The following EYS variants were observed in gnomAD, a reference collection of about 807,000 sequenced individuals.
EYS encodes EGF-like photoreceptor maintenance factor, also known as protein eyes shut homolog.
In EYS, 250 loss-of-function variants were observed where a neutral mutation model predicts 282.1. The ratio of observed to expected loss-of-function variants is 0.89; its 90% CI spans 0.80 to 0.98. The LOEUF (loss-of-function observed/expected upper bound fraction) is 0.98. EYS is among the 50% of genes least tolerant of loss of function. The pLI, the probability that EYS is intolerant of heterozygous loss-of-function variation, is 0.00. For missense variants in EYS, 4,016 were observed against 3,709.0 expected (o/e 1.08, Z -2.15); for synonymous variants, 1,355 against 1,282.9 (o/e 1.06, Z -1.20).
chr6:64,150,250 A>G (rs1774657168), intron 31 of EYS, among the ~76,000 whole-genome samples: 1 of 152,216 alleles, frequency 6.6e-6, no homozygotes, highest in East Asian at 1.9e-4. Flanking sequence ...GTCCTTGTAA[A>G]GGGCTGAAAA....
chr6:65,028,296 A>G (rs1772484755), intron 13 of EYS, among the ~76,000 whole-genome samples: 2 of 151,982 alleles, frequency 1.3e-5, no homozygotes, highest in South Asian at 4.1e-4. Context: ...ATGTTCACTT[A>G]TCTATATTAT....
At chr6:65,249,093 A>C (rs530352975) in intron 12 of EYS, among the ~76,000 whole-genome samples, 1 of 151,728 alleles carries the variant, frequency 6.6e-6, no homozygotes, top group African/African-American at 2.4e-5. Context: ...AACTCAAACC[A>C]ACATGAACAA....
intron 33 of EYS, among the ~76,000 whole-genome samples, chr6:64,043,244 G>A (rs1770470401): frequency 6.6e-6 from 1 of 152,220 alleles, no homozygotes; most frequent in Admixed American, 6.5e-5. Context: ...GGGTAGGTGG[G>A]CACTGCTGGC....
At chr6:64,075,546 C>T (rs1229190762) in intron 32 of EYS, among the ~76,000 whole-genome samples, 15 of 151,830 alleles carry the variant, frequency 9.9e-5, no homozygotes, top group Admixed American at 9.9e-4. Context: ...AATGAAAACT[C>T]CAAATTTCAC....
chr6:63,869,149 G>C (rs1248601311), intron 35 of EYS, among the ~76,000 whole-genome samples: 1 of 152,032 alleles, frequency 6.6e-6, no homozygotes, highest in Non-Finnish European at 1.5e-5. Context: ...TATATGAAAG[G>C]GTTTTTCTAA....
chr6:65,017,908 G>A (rs1272481079), intron 13 of EYS, among the ~76,000 whole-genome samples: 2 of 152,122 alleles, frequency 1.3e-5, no homozygotes, highest in Non-Finnish European at 2.9e-5. Flanking sequence ...CACCTCCAGA[G>A]TCACTAAACC....
At chr6:64,249,063 C>CAAAAAAAAAAAAAAAAAAAAAAAA (rs34663169) in intron 30 of EYS, among the ~76,000 whole-genome samples, 5 of 70,058 alleles carry the variant, frequency 7.1e-5, no homozygotes, top group African/African-American at 2.8e-4. Context: ...CACCCTGTCT[C>CAAAAAAAAAAAAAAAAAAAAAAAA]AAAAAAAAAA....
chr6:64,610,752 G>C (rs1767089162), intron 24 of EYS, among the ~76,000 whole-genome samples: 1 of 152,148 alleles, frequency 6.6e-6, no homozygotes, highest in African/African-American at 2.4e-5. Context: ...ATAATAAAAT[G>C]TAAGGCAACT....
chr6:64,902,585 A>C, intron 16 of EYS, 85 bp from the exon 17 acceptor site: 1 of 731,464 alleles, frequency 1.4e-6, no homozygotes, highest in South Asian at 2.1e-5. Flanking sequence ...TAAAGAATAC[A>C]CTCATAATGG....
At chr6:63,724,855 G>T (rs1768550830) in intron 42 of EYS, among the ~76,000 whole-genome samples, 1 of 152,006 alleles carries the variant, frequency 6.6e-6, no homozygotes, top group Middle Eastern at 3.2e-3. Context: ...TTTGTGTATT[G>T]TTTGGTTAGT....
At chr6:65,158,859 C>A (rs1048553803) in intron 12 of EYS, among the ~76,000 whole-genome samples, 1 of 150,948 alleles carries the variant, frequency 6.6e-6, no homozygotes, top group Non-Finnish European at 1.5e-5. Flanking sequence ...TGAATTTGCA[C>A]TGCGGAATCA....
chr6:63,814,221 T>G (rs975342861), intron 36 of EYS, among the ~76,000 whole-genome samples: 1 of 152,186 alleles, frequency 6.6e-6, no homozygotes, highest in Non-Finnish European at 1.5e-5. Flanking sequence ...CCTACAAATG[T>G]GATTATTTTT....
At chr6:65,395,981 G>A (rs1766265362) in intron 7 of EYS, among the ~76,000 whole-genome samples, 1 of 152,064 alleles carries the variant, frequency 6.6e-6, no homozygotes, top group Admixed American at 6.6e-5. Context: ...ATTTCACTTA[G>A]CATAATGCCC....
Position 63,789,130 on chromosome 6 carries a change from G to A in EYS, c.7506C>T (p.Ser2502=), listed in dbSNP as rs77113519. ...CTCCAAGGCTCAGATTGAGGGGCTC[G>A]CTCCTGATGCTTGCTATGCCAGACC... ...NLGSGIASIR[S]EPLNLSLGVH... The change falls in exon 38 of 43, where the codon AGC becomes AGT. Residue 2502 remains serine (S), a synonymous_variant. Transcript: ENST00000503581. The A allele has an allele frequency of 9.9e-5, 154 of 1,551,614 alleles. No homozygotes were observed. The African/African-American group carries it at 1.8e-3, about 18-fold the overall frequency.
chr6:64,419,721 A>G (rs1304394350), intron 28 of EYS, among the ~76,000 whole-genome samples: 1 of 152,222 alleles, frequency 6.6e-6, no homozygotes, highest in Non-Finnish European at 1.5e-5. Flanking sequence ...TCTGAGTCAC[A>G]CTGATGCAAG....
intron 28 of EYS, among the ~76,000 whole-genome samples, chr6:64,393,753 T>G (rs1043193685): frequency 2.5e-4 from 38 of 151,708 alleles, no homozygotes; most frequent in African/African-American, 9.2e-4. Flanking sequence ...ACCACTCCTA[T>G]TCAACATAGT....
At chr6:64,875,102 C>T (rs1052198471) in intron 19 of EYS, among the ~76,000 whole-genome samples, 2 of 152,042 alleles carry the variant, frequency 1.3e-5, no homozygotes, top group African/African-American at 4.8e-5. Flanking sequence ...GTAGGTCTGC[C>T]TCCCTCCATG....
intron 2 of EYS, among the ~76,000 whole-genome samples, chr6:65,556,836 T>C (rs928741746): frequency 2.6e-5 from 4 of 152,200 alleles, no homozygotes; most frequent in African/African-American, 7.2e-5. Context: ...GAATTCTATA[T>C]AACTTAATGA....
At chr6:64,204,008 C>T (rs1386098005) in intron 31 of EYS, among the ~76,000 whole-genome samples, 2 of 152,104 alleles carry the variant, frequency 1.3e-5, no homozygotes, top group South Asian at 2.1e-4. Context: ...AGGTTCTTAT[C>T]TTTCTACCTT....
Sources: allele counts gnomAD v4.1 joint callset (sites outside exome capture counted in the v4.1 genomes callset), GRCh38; gene constraint gnomAD v4.1.1; transcripts MANE v1.5; gene names NCBI Gene and HGNC (gene_info 2026-07-23, HGNC 2026-07-21).